The following CASK variants were observed in gnomAD, a reference collection of about 807,000 sequenced individuals.
CASK encodes the protein calcium/calmodulin dependent serine protein kinase.
CASK carries 4 observed loss-of-function variants against 82.9 expected under a neutral mutation model. The observed-to-expected ratio is 0.05, with a 90% CI of 0.02 to 0.11. CASK has a LOEUF of 0.11. CASK is among the 10% of genes least tolerant of loss of function. The probability of loss-of-function intolerance (pLI) is 1.00; values close to 1 mark genes in which losing one functional copy is unlikely to be tolerated. For synonymous variants in CASK, 259 were observed against 253.5 expected (o/e 1.02, Z -0.20); for missense variants, 358 against 720.9 (o/e 0.50, Z 5.76).
chrX:41,564,790 A>G (rs1222208854), intron 16 of CASK, among the ~76,000 whole-genome samples: 2 of 111,656 alleles, frequency 1.8e-5, no homozygotes, highest in African/African-American at 6.5e-5. Flanking sequence ...TATTCTTCTC[A>G]GCACCACACT....
chrX:41,830,556 C>G (rs1351519448), intron 2 of CASK, among the ~76,000 whole-genome samples: 1 of 110,980 alleles, frequency 9.0e-6, no homozygotes, highest in Non-Finnish European at 1.9e-5. Flanking sequence ...TGCGGTGGCT[C>G]ACGCCTGTAA....
chrX:41,618,331 G>A (rs770153245), intron 11 of CASK, among the ~76,000 whole-genome samples: 62 of 111,715 alleles, frequency 5.5e-4, no homozygotes, highest in African/African-American at 1.8e-3. Flanking sequence ...ACAGGATCTT[G>A]CTCTGTTGCC....
At chrX:41,887,713 G>T (rs774616534) in intron 1 of CASK, among the ~76,000 whole-genome samples, 1 of 110,523 alleles carries the variant, frequency 9.0e-6, no homozygotes, top group East Asian at 2.8e-4. Flanking sequence ...ACAAAGCAAT[G>T]ATGTCTTTCT....
In CASK at chrX:41,744,344, CTTCT is replaced by C. The variant is rs1201797909; in HGVS notation, c.356+1176_356+1179del. 9.4e-4 allele frequency among the ~76,000 whole-genome samples: 102 copies of C among 108,090 alleles called. 1 individual carries two copies. The highest frequency in any genetic ancestry group is 3.4e-3 in the African/African-American group (100 of 29,831). The allele number at this position is 108,090 out of a possible 115,157, so 93.9% of individuals were successfully genotyped here. A position where few individuals can be genotyped will look rare whatever the true frequency, so the allele number is the denominator to read the frequency against. On this transcript the variant is annotated intron_variant, in intron 4 of 26. Coordinates refer to ENST00000378163, the MANE Select transcript of CASK (RefSeq NM_001367721.1). The stretch of plus-strand genomic sequence containing the variant: ...TGGCTCCTGTGATTTTTCATATTTA[CTTCT>C]TTTTTTTTTTTTTTTGAGACGGAGT...
intron 2 of CASK, among the ~76,000 whole-genome samples, chrX:41,839,488 T>G (rs1320244762): frequency 2.7e-5 from 3 of 111,390 alleles, no homozygotes; most frequent in Non-Finnish European, 3.8e-5. Context: ...TTCGTATGTT[T>G]ATCTCATATC....
At chrX:41,863,590 A>G (rs1182289203) in intron 1 of CASK, among the ~76,000 whole-genome samples, 2 of 112,646 alleles carry the variant, frequency 1.8e-5, no homozygotes, top group African/African-American at 3.2e-5. Context: ...CAAGAAAACC[A>G]TAACTTTCAT....
chrX:41,859,014 A>G (rs910899345), intron 1 of CASK, among the ~76,000 whole-genome samples: 1 of 111,437 alleles, frequency 9.0e-6, no homozygotes, highest in Non-Finnish European at 1.9e-5. Flanking sequence ...ATTTAAAATA[A>G]TACTTTGAGT....
chrX:41,580,836 T>TAAC (rs2065565119), intron 14 of CASK, among the ~76,000 whole-genome samples: 1 of 112,510 alleles, frequency 8.9e-6, no homozygotes, highest in Non-Finnish European at 1.9e-5. Context: ...CTGAAATAGC[T>TAAC]GTCAGTTTTA....
rs1374134585 is a variant in CASK, at chrX:41,739,368, A to G, written c.429+16T>C. ...TTCTTCACAAACATTAAAGTTAGTG[A>G]TAACAAATGACTTACCTTCACATCC... On this transcript the variant is annotated intron_variant, in intron 5 of 26. Transcript: ENST00000378163. 3 of 1,049,846 alleles carry G rather than the reference A, an allele frequency of 2.9e-6. No individual in the cohort carries two copies. In the African/African-American group the frequency reaches 5.5e-5, roughly 19 times the overall value. The allele number at this position is 1,049,846 out of a possible 1,213,427, so 86.5% of individuals were successfully genotyped here.
At chrX:41,549,290 A>G (rs1026371137) in intron 21 of CASK, among the ~76,000 whole-genome samples, 3 of 111,345 alleles carry the variant, frequency 2.7e-5, no homozygotes, top group African/African-American at 6.5e-5. Context: ...TCAGTTTCCA[A>G]GCAAAGGAAA....
At chrX:41,793,554 A>C (rs1472983290) in intron 2 of CASK, among the ~76,000 whole-genome samples, 1 of 111,942 alleles carries the variant, frequency 8.9e-6, no homozygotes, top group Non-Finnish European at 1.9e-5. Flanking sequence ...CAAATATACA[A>C]GTATTCTCAT....
chrX:41,715,144 A>G (rs1049065520), intron 5 of CASK, among the ~76,000 whole-genome samples: 6 of 112,716 alleles, frequency 5.3e-5, no homozygotes, highest in African/African-American at 1.9e-4. Flanking sequence ...ATTCTGCAGA[A>G]ATGAACAATA....
At chrX:41,826,979 T>G (rs903482407) in intron 2 of CASK, among the ~76,000 whole-genome samples, 2 of 112,004 alleles carry the variant, frequency 1.8e-5, no homozygotes, top group Middle Eastern at 4.3e-3. Context: ...TGTTATTAAC[T>G]CCTCTTAACT....
At chrX:41,913,564 A>G (rs911875277) in intron 1 of CASK, among the ~76,000 whole-genome samples, 2 of 111,873 alleles carry the variant, frequency 1.8e-5, no homozygotes, top group Non-Finnish European at 3.8e-5. Flanking sequence ...TGAACAATGA[A>G]TAAAAGTTAG....
chrX:41,921,899 A>G (rs1456393361), intron 1 of CASK, among the ~76,000 whole-genome samples: 1 of 106,723 alleles, frequency 9.4e-6, no homozygotes, highest in Non-Finnish European at 1.9e-5. Flanking sequence ...AAAAGAGGTA[A>G]GATATTTCAA....
Position 41,515,730 on chromosome X carries a change from T to G in CASK, c.*4690A>C, listed in dbSNP as rs1250800555. ...GAGCCACTCACTGTGGAGGAATGCC[T>G]GTTTCTGTTCCCAAGGACAATTCTC... On this transcript the variant is annotated 3_prime_UTR_variant, in exon 27 of 27. Coordinates refer to ENST00000378163, the MANE Select transcript of CASK (RefSeq NM_001367721.1). 1 of 111,872 alleles carries G rather than the reference T, an allele frequency of 8.9e-6. No homozygotes were observed. The allele number at this position is 111,872 out of a possible 1,213,427, so 9.2% of individuals were successfully genotyped here. A position where few individuals can be genotyped will look rare whatever the true frequency, so the allele number is the denominator to read the frequency against.
chrX:41,836,562 T>C (rs2070931233), intron 2 of CASK, among the ~76,000 whole-genome samples: 1 of 111,791 alleles, frequency 8.9e-6, no homozygotes, highest in Non-Finnish European at 1.9e-5. Context: ...TTATGTCACA[T>C]AATGAACATA....
At chrX:41,598,854 C>A (rs2065859721) in intron 12 of CASK, among the ~76,000 whole-genome samples, 1 of 111,845 alleles carries the variant, frequency 8.9e-6, no homozygotes, top group African/African-American at 3.2e-5. Flanking sequence ...TGCTAAAAAT[C>A]AATTTATTTT....
intron 1 of CASK, among the ~76,000 whole-genome samples, chrX:41,860,201 A>C (rs1018025530): frequency 1.8e-5 from 2 of 110,625 alleles, no homozygotes; most frequent in African/African-American, 6.6e-5. Flanking sequence ...TAAGTACATA[A>C]AATTTTGAGA....
Sources: allele counts gnomAD v4.1 joint callset (sites outside exome capture counted in the v4.1 genomes callset), GRCh38; gene constraint gnomAD v4.1.1; transcripts MANE v1.5; gene names NCBI Gene and HGNC (gene_info 2026-07-23, HGNC 2026-07-21).